TSGA10: variants seen among roughly 807,000 people sequenced by gnomAD.
TSGA10 encodes the protein testis specific 10, also known as testis-specific gene 10 protein.
In TSGA10, 43 loss-of-function variants were observed where a neutral mutation model predicts 96.6. The ratio of observed to expected loss-of-function variants is 0.44; its 90% confidence interval spans 0.35 to 0.57. The LOEUF (loss-of-function observed/expected upper bound fraction) is 0.57. Among genes scored for constraint, TSGA10 ranks in the 20% least tolerant of loss-of-function variants. The pLI is 0.01. For missense variants in TSGA10, 703 were observed against 834.4 expected (o/e 0.84, Z 1.94); for synonymous variants, 229 against 269.9 (o/e 0.85, Z 1.48).
chr2:99,038,546 T>TA (rs2081886471), intron 16 of TSGA10, among the ~76,000 whole-genome samples: 1 of 151,960 alleles, frequency 6.6e-6, no homozygotes, highest in Non-Finnish European at 1.5e-5. Context: ...CAACAACAGT[T>TA]AAAAAAGACA....
At chr2:99,060,882 A>C (rs530260176) in intron 16 of TSGA10, among the ~76,000 whole-genome samples, 1 of 152,300 alleles carries the variant, frequency 6.6e-6, no homozygotes, top group South Asian at 2.1e-4. Context: ...TATGAGAAAA[A>C]ATGAACCTTG....
At chr2:99,044,290 C>T (rs970002765) in intron 16 of TSGA10, among the ~76,000 whole-genome samples, 5 of 142,958 alleles carry the variant, frequency 3.5e-5, no homozygotes, top group East Asian at 2.0e-4. Flanking sequence ...ATCTCACGTA[C>T]GAAAACACAC....
intron 20 of TSGA10, among the ~76,000 whole-genome samples, chr2:99,005,391 C>T (rs904389245): frequency 6.6e-6 from 1 of 152,146 alleles, no homozygotes; most frequent in Non-Finnish European, 1.5e-5. Flanking sequence ...ATCTAGAAAA[C>T]CCCATTGTCT....
chr2:99,015,297 C>A (rs4622780), intron 20 of TSGA10, among the ~76,000 whole-genome samples: 2 of 151,932 alleles, frequency 1.3e-5, no homozygotes, highest in African/African-American at 4.8e-5. Context: ...ACACCATGAC[C>A]AAGTGAGTTG....
chr2:99,101,887 A>AG, intron 10 of TSGA10: 1 of 577,706 alleles, frequency 1.7e-6, no homozygotes, highest in Non-Finnish European at 3.1e-6. Context: ...GATTGACTGG[A>AG]GGGGGAAATA....
intron 16 of TSGA10, among the ~76,000 whole-genome samples, chr2:99,047,143 C>CACA (rs2082867343): frequency 1.3e-5 from 2 of 152,114 alleles, no homozygotes; most frequent in Non-Finnish European, 2.9e-5. Context: ...CTACAAGAGG[C>CACA]ACAAGGAGGA....
intron 16 of TSGA10, among the ~76,000 whole-genome samples, chr2:99,037,131 C>T (rs571203257): frequency 2.6e-5 from 4 of 152,246 alleles, no homozygotes; most frequent in African/African-American, 7.2e-5. Context: ...AACTGAACAG[C>T]GTTATCAATC....
intron 10 of TSGA10, among the ~76,000 whole-genome samples, chr2:99,085,745 T>C (rs1402036499): frequency 1.5e-5 from 2 of 132,402 alleles, no homozygotes; most frequent in Non-Finnish European, 3.1e-5. Flanking sequence ...TTATAAGAAA[T>C]GTAGTAGATG....
chr2:99,026,092 T>A (rs904787000), intron 17 of TSGA10, among the ~76,000 whole-genome samples: 2 of 152,242 alleles, frequency 1.3e-5, no homozygotes, highest in Admixed American at 1.3e-4. Context: ...AAATTTATGT[T>A]AATGCCAATT....
At chr2:99,048,480 A>G (rs533153310) in intron 16 of TSGA10, among the ~76,000 whole-genome samples, 1 of 152,336 alleles carries the variant, frequency 6.6e-6, no homozygotes, top group African/African-American at 2.4e-5. Flanking sequence ...AGAAATGGGG[A>G]AAGGATTCCC....
At chr2:99,150,348 G>A (rs761279988) in intron 1 of TSGA10, 150 of 533,806 alleles carry the variant, frequency 2.8e-4, no homozygotes, top group Admixed American at 1.8e-4. Context: ...CAAAGAAAAT[G>A]TAAACACTGA....
At chr2:99,144,152 C>G (rs1313163424) in intron 1 of TSGA10, among the ~76,000 whole-genome samples, 1 of 152,134 alleles carries the variant, frequency 6.6e-6, no homozygotes, top group African/African-American at 2.4e-5. Flanking sequence ...TCCCGAGCAG[C>G]TGGGACTACA....
chr2:99,071,676 TGGAG>T, intron 14 of TSGA10, 26 bp downstream of exon 14: 1 of 1,583,240 alleles, frequency 6.3e-7, no homozygotes. Flanking sequence ...TTTTTTTTCT[TGGAG>T]AAAATGATTC....
chr2:99,045,785 T>C (rs2082706812), intron 16 of TSGA10, among the ~76,000 whole-genome samples: 1 of 152,178 alleles, frequency 6.6e-6, no homozygotes, highest in Admixed American at 6.5e-5. Context: ...AGACACAGAC[T>C]GGCAAATTTG....
chr2:99,048,013 G>C (rs1326730277), intron 16 of TSGA10, among the ~76,000 whole-genome samples: 2 of 152,042 alleles, frequency 1.3e-5, no homozygotes, highest in Non-Finnish European at 2.9e-5. Flanking sequence ...CCAGCTTACA[G>C]GGGACATGAA....
chr2:99,153,610 A>T (rs1056266750), intron 1 of TSGA10, among the ~76,000 whole-genome samples: 2 of 152,180 alleles, frequency 1.3e-5, no homozygotes, highest in Non-Finnish European at 2.9e-5. Flanking sequence ...AGAGAAAGGG[A>T]ATTTAGAAGG....
intron 20 of TSGA10, among the ~76,000 whole-genome samples, chr2:99,002,075 CAGG>C (rs2077974909): frequency 2.0e-5 from 3 of 152,134 alleles, no homozygotes; most frequent in Non-Finnish European, 1.5e-5. Flanking sequence ...GGATATTATC[CAGG>C]AGAACTTCCC....
At chr2:99,049,952 A>G (rs1189861206) in intron 16 of TSGA10, among the ~76,000 whole-genome samples, 1 of 152,186 alleles carries the variant, frequency 6.6e-6, no homozygotes, top group Non-Finnish European at 1.5e-5. Flanking sequence ...TCTCTTTTCC[A>G]TCTGAACTGA....
At chr2:99,126,785 G>A (rs2092850463) in intron 2 of TSGA10, 2 of 179,538 alleles carry the variant, frequency 1.1e-5, no homozygotes, top group South Asian at 9.5e-5. Flanking sequence ...AAATGGAAAC[G>A]GCATCACTTT....
Sources: allele counts gnomAD v4.1 joint callset (sites outside exome capture counted in the v4.1 genomes callset), GRCh38; gene constraint gnomAD v4.1.1; transcripts MANE v1.5; gene names NCBI Gene and HGNC (gene_info 2026-07-23, HGNC 2026-07-21).